DCDC1: variants seen among roughly 807,000 people sequenced by gnomAD.
DCDC1 encodes the protein doublecortin domain containing 1.
Under a neutral mutation model 178.3 loss-of-function variants are expected in DCDC1, and 200 were observed. The ratio of observed to expected loss-of-function variants is 1.12; its 90% CI spans 1.00 to 1.26. The LOEUF is 1.26. Ranked by LOEUF, DCDC1 falls within the 50% of genes most tolerant of loss-of-function variation. The pLI, the probability that DCDC1 is intolerant of heterozygous loss-of-function variation, is 0.00. For missense variants in DCDC1, 1,983 were observed against 1,749.2 expected, an observed-to-expected ratio of 1.13 and a Z score of -2.38; for synonymous variants, 690 against 604.8, an observed-to-expected ratio of 1.14 and a Z score of -2.07.
chr11:31,125,879 C>A (rs761842761), intron 11 of DCDC1, among the ~76,000 whole-genome samples: 1 of 151,776 alleles, frequency 6.6e-6, no homozygotes, highest in African/African-American at 2.4e-5. Flanking sequence ...CTATGGCACA[C>A]GTTTACAAAC....
chr11:31,130,098 T>C (rs1385564418), intron 10 of DCDC1, among the ~76,000 whole-genome samples: 1 of 152,206 alleles, frequency 6.6e-6, no homozygotes, highest in Non-Finnish European at 1.5e-5. Context: ...TAATTAATAC[T>C]GGCACTGAAA....
intron 36 of DCDC1, among the ~76,000 whole-genome samples, chr11:30,883,839 G>C (rs1268094007): frequency 6.6e-6 from 1 of 151,966 alleles, no homozygotes; most frequent in African/African-American, 2.4e-5. Flanking sequence ...CAAATTTCTT[G>C]ACTAAGGGAA....
intron 9 of DCDC1, among the ~76,000 whole-genome samples, chr11:31,213,319 A>G (rs1016034647): frequency 6.6e-6 from 1 of 151,828 alleles, no homozygotes; most frequent in Non-Finnish European, 1.5e-5. Context: ...ATTGGTAAGT[A>G]GAGACTGGAT....
Position 30,892,859 on chromosome 11 carries a change from G to A in DCDC1, c.5041C>T (p.Pro1681Ser), listed in dbSNP as rs1297124260. ...CCCCAGGCATAAGTGCCATCTTCAG[G>A]TCTGCCTCCATTTAGATAAATCCAC... ...RVWIYLNGGR[P>S]EDGTYAWGKT... The change falls in exon 36 of 39, where the codon CCT (proline) becomes TCT (serine). Residue 1681 changes from proline to serine, a missense_variant. Transcript: ENST00000684477. 6.2e-7 allele frequency: 1 copy of A among 1,613,836 alleles called. No individual in the cohort carries two copies. Among genetic ancestry groups the A allele is most frequent in the Non-Finnish European group, 8.5e-7 (1 of 1,179,814 alleles).
At chr11:31,144,776 G>C (rs1964257855) in intron 9 of DCDC1, among the ~76,000 whole-genome samples, 1 of 151,748 alleles carries the variant, frequency 6.6e-6, no homozygotes, top group South Asian at 2.1e-4. Flanking sequence ...GAATGATTTT[G>C]AAAATCTGTC....
chr11:30,965,153 G>T (rs1056796189), intron 20 of DCDC1, among the ~76,000 whole-genome samples: 4 of 152,162 alleles, frequency 2.6e-5, no homozygotes, highest in African/African-American at 9.7e-5. Context: ...GCCATGGTCA[G>T]AACACATACA....
In DCDC1 at chr11:31,309,138, A is replaced by ATGTTTGTGTG. The variant is rs1555173320; in HGVS notation, c.165-1240_165-1231dup. ...TAGTCACACATCAGAGGGAAAATAG[A>ATGTTTGTGTG]TGTTTGTGTGTGTGTGTGTGTGTGT... is the stretch of plus-strand genomic sequence containing the variant. On this transcript the variant is annotated intron_variant, in intron 3 of 38. Transcript: ENST00000684477. Among the ~76,000 whole-genome samples, 13 of 55,422 alleles carry ATGTTTGTGTG rather than the reference A, an allele frequency of 2.3e-4. No homozygotes were observed. In the East Asian group the frequency reaches 2.6e-3, roughly 11 times the overall value. The allele number at this position is 55,422 out of a possible 152,430, so 36.4% of individuals were successfully genotyped here. A position where few individuals can be genotyped will look rare whatever the true frequency, so the allele number is the denominator to read the frequency against.
chr11:31,018,209 T>A (rs1244634211), intron 20 of DCDC1, among the ~76,000 whole-genome samples: 1 of 152,232 alleles, frequency 6.6e-6, no homozygotes, highest in East Asian at 1.9e-4. Context: ...TTAACAAATG[T>A]TTAATGGCGT....
chr11:31,190,526 T>C (rs1007814515), intron 9 of DCDC1, among the ~76,000 whole-genome samples: 3 of 152,120 alleles, frequency 2.0e-5, no homozygotes, highest in Admixed American at 2.0e-4. Flanking sequence ...AAATTGTAAT[T>C]GCAAACACTG....
chr11:31,246,054 C>T (rs1943538690), intron 8 of DCDC1, among the ~76,000 whole-genome samples: 1 of 151,838 alleles, frequency 6.6e-6, no homozygotes, highest in Non-Finnish European at 1.5e-5. Flanking sequence ...ATATATATCC[C>T]TCTCCAAAAG....
At chr11:31,129,174 A>AAT (rs10669860) in intron 10 of DCDC1, among the ~76,000 whole-genome samples, 89,960 of 151,738 alleles carry the variant, frequency 0.59, 27,089 homozygotes, top group East Asian at 0.93. Flanking sequence ...ATATGACCTA[A>AAT]ATGTATTATC....
At chr11:31,096,738 C>T (rs1034423720) in intron 15 of DCDC1, among the ~76,000 whole-genome samples, 2 of 151,322 alleles carry the variant, frequency 1.3e-5, no homozygotes, top group East Asian at 1.9e-4. Context: ...AGTTCTGATA[C>T]GTTTAAAACT....
intron 20 of DCDC1, among the ~76,000 whole-genome samples, chr11:31,063,840 G>C (rs2135481614): frequency 6.6e-6 from 1 of 152,190 alleles, no homozygotes; most frequent in Admixed American, 6.5e-5. Flanking sequence ...AACAGTTTTA[G>C]ATTAAAATTG....
At chr11:30,940,539 G>C (rs1947568431) in intron 21 of DCDC1, among the ~76,000 whole-genome samples, 1 of 152,128 alleles carries the variant, frequency 6.6e-6, no homozygotes, top group East Asian at 1.9e-4. Flanking sequence ...CTTCTTGCCT[G>C]GCAATATTGG....
At chr11:31,233,888 C>G (rs1976129564) in intron 9 of DCDC1, among the ~76,000 whole-genome samples, 1 of 152,156 alleles carries the variant, frequency 6.6e-6, no homozygotes, top group Non-Finnish European at 1.5e-5. Flanking sequence ...GATGATGTAG[C>G]TATTGAGTAA....
intron 9 of DCDC1, among the ~76,000 whole-genome samples, chr11:31,170,928 A>C (rs1307362011): frequency 6.6e-6 from 1 of 152,092 alleles, no homozygotes; most frequent in Non-Finnish European, 1.5e-5. Context: ...TCCCGGGTTC[A>C]AATGATTCTC....
intron 21 of DCDC1, among the ~76,000 whole-genome samples, chr11:30,938,787 G>A (rs1003345080): frequency 1.3e-5 from 2 of 152,118 alleles, no homozygotes; most frequent in Admixed American, 6.6e-5. Flanking sequence ...TAGTTTGGGG[G>A]TTATTTCCCC....
chr11:30,922,744 T>A, intron 23 of DCDC1, 106 bp from the exon 24 acceptor site: 1 of 1,129,958 alleles, frequency 8.8e-7, no homozygotes, highest in Non-Finnish European at 1.2e-6. Flanking sequence ...CCTATTAATA[T>A]AATAGGTGAA....
chr11:31,162,839 A>G (rs1367343612), intron 9 of DCDC1, among the ~76,000 whole-genome samples: 1 of 152,192 alleles, frequency 6.6e-6, no homozygotes, highest in East Asian at 1.9e-4. Flanking sequence ...AGAGAAGTAG[A>G]TTTCATTTAC....
Sources: allele counts gnomAD v4.1 joint callset (sites outside exome capture counted in the v4.1 genomes callset), GRCh38; gene constraint gnomAD v4.1.1; transcripts MANE v1.5; gene names NCBI Gene and HGNC (gene_info 2026-07-23, HGNC 2026-07-21).